TMCO6: variants seen among roughly 807,000 people sequenced by gnomAD.
The protein encoded by TMCO6 is transmembrane and coiled-coil domain-containing protein 6.
A neutral mutation model predicts 61.8 loss-of-function variants in TMCO6; 47 were observed. The ratio of observed to expected loss-of-function variants is 0.76; its 90% CI spans 0.60 to 0.97. TMCO6 has a LOEUF of 0.97. TMCO6 is among the 50% of genes least tolerant of loss of function. The pLI is 0.00. For missense variants in TMCO6, 557 were observed against 601.6 expected, an observed-to-expected ratio of 0.93 and a Z score of 0.78; for synonymous variants, 261 against 254.2, an observed-to-expected ratio of 1.03 and a Z score of -0.25.
chr5:140,645,201 C>T lies in TMCO6; in HGVS notation c.*103C>T, dbSNP rs1757325489. On this transcript the variant is annotated 3_prime_UTR_variant, in exon 12 of 12. Coordinates refer to ENST00000394671, the MANE Select transcript of TMCO6 (RefSeq NM_018502.5). ...GGACCATAATGAGGTCTCATGTTCT[C>T]TGCTCCCACACCTAAGCCAAGACCT... 2 of 1,201,950 alleles carry T rather than the reference C, an allele frequency of 1.7e-6. No individual in the cohort carries two copies. The highest frequency in any genetic ancestry group is 2.4e-6 in the Non-Finnish European group (2 of 831,086). 74.5% of individuals were successfully genotyped at this position (1,201,950 alleles called of 1,614,324 possible).
chr5:140,620,846 AC>A, the TMCO6 span, among the ~76,000 whole-genome samples: 1 of 152,100 alleles, frequency 6.6e-6, no homozygotes, highest in Non-Finnish European at 1.5e-5. Context: ...CCTTGCCTCT[AC>A]AAAAAAATTT....
chr5:140,641,427 C>T, intron 2 of TMCO6: 1 of 515,740 alleles, frequency 1.9e-6, no homozygotes, highest in East Asian at 3.3e-5. Flanking sequence ...TTCTCATTTT[C>T]AGGTGAGGAA....
the TMCO6 span, among the ~76,000 whole-genome samples, chr5:140,611,056 G>C: frequency 6.6e-6 from 1 of 152,160 alleles, no homozygotes; most frequent in Admixed American, 6.5e-5. Context: ...AAAGAGGAAA[G>C]AAACATGAAA....
At chr5:140,637,990 TCTTTCTTCCTTC>T (rs376929973), upstream of TMCO6, among the ~76,000 whole-genome samples, 2,836 of 152,028 alleles carry the variant, frequency 0.019, 89 homozygotes, top group African/African-American at 0.065. Context: ...TTTCTTTCTT[TCTTTCTTCCTTC>T]CTTTCTTTCT....
At chr5:140,621,279 G>A in the TMCO6 span, among the ~76,000 whole-genome samples, 1 of 152,174 alleles carries the variant, frequency 6.6e-6, no homozygotes, top group South Asian at 2.1e-4. Flanking sequence ...ATGGAGGGAC[G>A]GGCTGAAGCC....
the TMCO6 span, among the ~76,000 whole-genome samples, chr5:140,619,289 G>T: frequency 6.6e-6 from 1 of 152,286 alleles, no homozygotes; most frequent in Middle Eastern, 3.4e-3. Flanking sequence ...GCTACTTTAA[G>T]TTCCAGCTCC....
At chr5:140,619,812 C>T in the TMCO6 span, among the ~76,000 whole-genome samples, 8 of 152,120 alleles carry the variant, frequency 5.3e-5, no homozygotes, top group Non-Finnish European at 1.2e-4. Context: ...TTACAGTTAT[C>T]AGGAAAATGC....
downstream of TMCO6, chr5:140,647,632 C>G (rs1424916726): frequency 6.3e-7 from 1 of 1,587,058 alleles, no homozygotes; most frequent in African/African-American, 1.3e-5. Context: ...GCCAAGTGCT[C>G]CGGTCTGACC....
the TMCO6 span, among the ~76,000 whole-genome samples, chr5:140,622,170 C>A: frequency 6.6e-6 from 1 of 152,166 alleles, no homozygotes; most frequent in African/African-American, 2.4e-5. Context: ...CATCACGGAA[C>A]CTACCGACAT....
At chr5:140,635,106 T>C (rs1466123336), upstream of TMCO6, among the ~76,000 whole-genome samples, 1 of 152,196 alleles carries the variant, frequency 6.6e-6, no homozygotes, top group Non-Finnish European at 1.5e-5. Context: ...AATTCCCACT[T>C]CCTCTTTAAT....
At chr5:140,607,882 C>A in the TMCO6 span, among the ~76,000 whole-genome samples, 1 of 151,710 alleles carries the variant, frequency 6.6e-6, no homozygotes, top group African/African-American at 2.4e-5. Context: ...CTCCGCTTCC[C>A]AGGTTGAAGT....
chr5:140,625,438 G>GA, the TMCO6 span, among the ~76,000 whole-genome samples: 11 of 152,130 alleles, frequency 7.2e-5, no homozygotes, highest in South Asian at 1.9e-3. Flanking sequence ...CCTCTTCCTG[G>GA]ACTGCTCTTC....
the TMCO6 span, among the ~76,000 whole-genome samples, chr5:140,599,852 G>A: frequency 6.6e-6 from 1 of 152,144 alleles, no homozygotes; most frequent in African/African-American, 2.4e-5. Flanking sequence ...AGTGAGCAGT[G>A]AGCCAAGATC....
chr5:140,637,855 C>T (rs1756806613), upstream of TMCO6, among the ~76,000 whole-genome samples: 1 of 151,340 alleles, frequency 6.6e-6, no homozygotes, highest in Non-Finnish European at 1.5e-5. Flanking sequence ...AGCCCCCCAC[C>T]GCCCCACTTC....
downstream of TMCO6, chr5:140,647,210 C>A: frequency 1.3e-6 from 2 of 1,517,904 alleles, no homozygotes; most frequent in South Asian, 1.3e-5. Context: ...TTCTCAAACC[C>A]TTGTTCCCCT....
upstream of TMCO6, among the ~76,000 whole-genome samples, chr5:140,638,143 T>A (rs1756820025): frequency 6.6e-6 from 1 of 152,246 alleles, no homozygotes; most frequent in Admixed American, 6.5e-5. Context: ...AGAGCACACC[T>A]GAACAAAGGG....
the TMCO6 span, among the ~76,000 whole-genome samples, chr5:140,607,851 G>A: frequency 0.012 from 1,863 of 149,394 alleles, 40 homozygotes; most frequent in African/African-American, 0.044. Context: ...GTGCAATGGC[G>A]CAATCTCGGT....
chr5:140,627,053 C>T, the TMCO6 span, among the ~76,000 whole-genome samples: 1 of 152,040 alleles, frequency 6.6e-6, no homozygotes, highest in South Asian at 2.1e-4. Flanking sequence ...ATACTTTAAC[C>T]CCCTAAACTA....
At chr5:140,629,316 T>A in the TMCO6 span, among the ~76,000 whole-genome samples, 29,377 of 151,180 alleles carry the variant, frequency 0.19, 3,311 homozygotes, top group East Asian at 0.29. Flanking sequence ...AAAAAAATAA[T>A]AATAATAAAT....
Sources: allele counts gnomAD v4.1 joint callset (sites outside exome capture counted in the v4.1 genomes callset), GRCh38; gene constraint gnomAD v4.1.1; transcripts MANE v1.5; gene names NCBI Gene and HGNC (gene_info 2026-07-23, HGNC 2026-07-21).